DIAPH3: variants seen among roughly 807,000 people sequenced by gnomAD.
DIAPH3 encodes diaphanous related formin 3.
In DIAPH3, 117 loss-of-function variants were observed where a neutral mutation model predicts 144.3. The observed-to-expected ratio is 0.81, with a 90% CI of 0.70 to 0.95. The LOEUF is 0.95. Among genes scored for constraint, DIAPH3 ranks in the 40% least tolerant of loss-of-function variants. The pLI is 0.00. For missense variants in DIAPH3, 1,421 were observed against 1,412.7 expected, an observed-to-expected ratio of 1.01 and a Z score of -0.09; for synonymous variants, 519 against 488.9, an observed-to-expected ratio of 1.06 and a Z score of -0.81.
intron 27 of DIAPH3, among the ~76,000 whole-genome samples, chr13:59,706,911 A>AT (rs2034461478): frequency 6.6e-6 from 1 of 152,236 alleles, no homozygotes; most frequent in African/African-American, 2.4e-5. Flanking sequence ...ACTAACAAAA[A>AT]TATGTTGCTA....
At chr13:60,159,777 A>C (rs1344500519) in intron 1 of DIAPH3, among the ~76,000 whole-genome samples, 2 of 152,226 alleles carry the variant, frequency 1.3e-5, no homozygotes, top group East Asian at 1.9e-4. Context: ...AAGATTAATA[A>C]TACTACCTAC....
At chr13:59,879,102 C>G in intron 21 of DIAPH3, 127 bp downstream of exon 21, 1 of 1,352,800 alleles carries the variant, frequency 7.4e-7, no homozygotes. Context: ...GGTTTGAGTT[C>G]ATGGTTCAGT....
In DIAPH3 at chr13:59,714,338, C is replaced by T. The variant is rs374358236; in HGVS notation, c.3320-47492G>A. On this transcript the variant is annotated intron_variant, in intron 27 of 27. Transcript: ENST00000400324. ...TCCCGCCACTGCACTCCAGCCTGGGCGACAGAGCGAGACTCCGTCTCAAAA... is the reference window on the plus strand; with the variant it reads ...TCCCGCCACTGCACTCCAGCCTGGGTGACAGAGCGAGACTCCGTCTCAAAA... Among the ~76,000 whole-genome samples, 47 of 127,976 alleles carry T rather than the reference C, an allele frequency of 3.7e-4. No homozygotes were observed. In the East Asian group the frequency reaches 6.1e-3, roughly 17 times the overall value. The allele number at this position is 127,976 out of a possible 152,430, so 84.0% of individuals were successfully genotyped here. A position where few individuals can be genotyped will look rare whatever the true frequency, so the allele number is the denominator to read the frequency against.
At chr13:60,019,624 CAGAG>C (rs988147450) in intron 5 of DIAPH3, among the ~76,000 whole-genome samples, 1 of 136,450 alleles carries the variant, frequency 7.3e-6, no homozygotes, top group Non-Finnish European at 1.6e-5. Flanking sequence ...AAAAAAAAAA[CAGAG>C]GGAGAGGGAG....
intron 4 of DIAPH3, among the ~76,000 whole-genome samples, chr13:60,079,853 C>G (rs2057493786): frequency 6.6e-6 from 1 of 151,798 alleles, no homozygotes; most frequent in African/African-American, 2.4e-5. Context: ...ATTTAAGAAG[C>G]CTTCAACTGT....
At chr13:59,983,741 T>G (rs778691610) in intron 13 of DIAPH3, 28 bp downstream of exon 13, 10 of 1,413,810 alleles carry the variant, frequency 7.1e-6, no homozygotes, top group African/African-American at 1.4e-5. Context: ...GACAATAAGA[T>G]ATTTCTATTT....
At chr13:59,705,491 G>A (rs2034368536) in intron 27 of DIAPH3, among the ~76,000 whole-genome samples, 2 of 152,188 alleles carry the variant, frequency 1.3e-5, no homozygotes, top group Admixed American at 6.5e-5. Flanking sequence ...CCTTTGGAGT[G>A]AGGCCTGATA....
At chr13:60,107,724 T>A (rs748704275) in intron 3 of DIAPH3, among the ~76,000 whole-genome samples, 6 of 152,202 alleles carry the variant, frequency 3.9e-5, no homozygotes, top group Non-Finnish European at 7.4e-5. Context: ...AGTAAAAGAA[T>A]AGAACATCAC....
At chr13:59,880,220 T>C (rs1250392568) in intron 20 of DIAPH3, among the ~76,000 whole-genome samples, 1 of 152,160 alleles carries the variant, frequency 6.6e-6, no homozygotes, top group Non-Finnish European at 1.5e-5. Context: ...CTTACTCCTG[T>C]GTTATATCAA....
chr13:60,024,047 G>A lies in DIAPH3; in HGVS notation c.627-7902C>T, dbSNP rs1019351045. On this transcript the variant is annotated intron_variant, in intron 5 of 27. Coordinates refer to ENST00000400324, the MANE Select transcript of DIAPH3 (RefSeq NM_001042517.2). Reference sequence around the variant, plus strand: ...ATTTTGTATTTTTAGTAGAGATGGGGTTTCACCATGTTGGCCAGGCTGGTC... The same window carrying A: ...ATTTTGTATTTTTAGTAGAGATGGGATTTCACCATGTTGGCCAGGCTGGTC... Among the ~76,000 whole-genome samples the A allele has an allele frequency of 1.6e-4, 24 of 151,038 alleles. 1 individual carries two copies. The highest frequency in any genetic ancestry group is 1.5e-3 in the Admixed American group (23 of 15,156).
At chr13:60,011,101 G>A (rs1023288749) in intron 7 of DIAPH3, among the ~76,000 whole-genome samples, 1 of 150,972 alleles carries the variant, frequency 6.6e-6, no homozygotes, top group African/African-American at 2.4e-5. Flanking sequence ...GCAAAACTCC[G>A]TCTCAAAAAA....
At chr13:60,159,564 C>A (rs1252628329) in intron 1 of DIAPH3, among the ~76,000 whole-genome samples, 1 of 150,940 alleles carries the variant, frequency 6.6e-6, no homozygotes, top group Non-Finnish European at 1.5e-5. Context: ...GTAGAGGTTG[C>A]AGTGAGCCAA....
At chr13:60,114,346 G>C (rs751914456) in intron 2 of DIAPH3, among the ~76,000 whole-genome samples, 1 of 150,604 alleles carries the variant, frequency 6.6e-6, no homozygotes, top group African/African-American at 2.4e-5. Flanking sequence ...GAGCTTAACA[G>C]TAACCTGGAC....
chr13:59,793,789 C>T (rs1258519716), intron 25 of DIAPH3, among the ~76,000 whole-genome samples: 1 of 152,186 alleles, frequency 6.6e-6, no homozygotes, highest in African/African-American at 2.4e-5. Context: ...ACCATCCTGA[C>T]TTGCAAGACT....
chr13:60,040,534 T>C (rs538424467), intron 5 of DIAPH3, among the ~76,000 whole-genome samples: 2 of 152,114 alleles, frequency 1.3e-5, no homozygotes, highest in South Asian at 2.1e-4. Flanking sequence ...AATTCATATA[T>C]AAAAACCTTC....
At chr13:59,897,354 C>T (rs1393296381) in intron 20 of DIAPH3, among the ~76,000 whole-genome samples, 4 of 152,152 alleles carry the variant, frequency 2.6e-5, no homozygotes, top group East Asian at 1.9e-4. Flanking sequence ...AATAACTCTA[C>T]GACAGTGATG....
At chr13:60,081,375 T>A (rs993620681) in intron 4 of DIAPH3, among the ~76,000 whole-genome samples, 6 of 152,016 alleles carry the variant, frequency 3.9e-5, no homozygotes, top group East Asian at 1.9e-4. Context: ...AGCTAAAAGT[T>A]ACATAGAAAA....
Position 60,073,627 on chromosome 13 carries a change from G to A in DIAPH3, c.495+20001C>T, listed in dbSNP as rs374997001. Among the ~76,000 whole-genome samples, 503 of 152,240 alleles carry A rather than the reference G, an allele frequency of 3.3e-3. 2 individuals carry two copies. Among genetic ancestry groups the A allele is most frequent in the African/African-American group, 0.011 (463 of 41,534 alleles). ...GCTGCCTCTATTTTTCATTTATGGT[G>A]ATATTTATGGCATCCAGCATTGTAA... On this transcript the variant is annotated intron_variant, in intron 4 of 27. Transcript: ENST00000400324.
intron 4 of DIAPH3, among the ~76,000 whole-genome samples, chr13:60,067,598 ATTTAT>A (rs1212856936): frequency 6.6e-6 from 1 of 152,116 alleles, no homozygotes; most frequent in Non-Finnish European, 1.5e-5. Flanking sequence ...ATGCCTGGAG[ATTTAT>A]TTTAATGTTT....
Sources: allele counts gnomAD v4.1 joint callset (sites outside exome capture counted in the v4.1 genomes callset), GRCh38; gene constraint gnomAD v4.1.1; transcripts MANE v1.5; gene names NCBI Gene and HGNC (gene_info 2026-07-23, HGNC 2026-07-21).